The following HRH1 variants were observed in gnomAD, a reference collection of about 807,000 sequenced individuals.
The protein encoded by HRH1 is histamine receptor H1, also known as histamine H1 receptor.
In HRH1, 6 loss-of-function variants were observed where a neutral mutation model predicts 10.3. The observed-to-expected ratio is 0.58, with a 90% CI of 0.32 to 1.15. HRH1 has a LOEUF of 1.15. HRH1 is among the 50% of genes most tolerant of loss of function. HRH1 has a pLI of 0.05. For missense variants in HRH1, 514 were observed against 615.3 expected, an observed-to-expected ratio of 0.84 and a Z score of 1.74; for synonymous variants, 242 against 236.7, an observed-to-expected ratio of 1.02 and a Z score of -0.21.
At chr3:11,242,917 T>C (rs1939388223) in intron 1 of HRH1, among the ~76,000 whole-genome samples, 1 of 151,998 alleles carries the variant, frequency 6.6e-6, no homozygotes, top group African/African-American at 2.4e-5. Flanking sequence ...GGTCTCTCTT[T>C]TTTTTTTCCT....
chr3:11,179,756 C>CGTGT (rs151206562), intron 1 of HRH1, among the ~76,000 whole-genome samples: 3 of 147,518 alleles, frequency 2.0e-5, no homozygotes, highest in Non-Finnish European at 4.5e-5. Flanking sequence ...TGCTATTGTG[C>CGTGT]GTGTGTGTGT....
chr3:11,188,440 G>A (rs924171507), intron 1 of HRH1, among the ~76,000 whole-genome samples: 1 of 152,100 alleles, frequency 6.6e-6, no homozygotes, highest in Non-Finnish European at 1.5e-5. Flanking sequence ...CAGGCATGGT[G>A]GCACCTTAGA....
intron 1 of HRH1, among the ~76,000 whole-genome samples, chr3:11,186,471 G>A (rs928306149): frequency 6.6e-6 from 1 of 152,196 alleles, no homozygotes; most frequent in East Asian, 1.9e-4. Context: ...TTTTGCAGAA[G>A]TGAAAACTGA....
intron 1 of HRH1, among the ~76,000 whole-genome samples, chr3:11,138,300 G>C (rs111829740): frequency 6.1e-4 from 93 of 151,568 alleles, no homozygotes; most frequent in African/African-American, 2.1e-3. Flanking sequence ...AGGATTACAG[G>C]CGTGAGCCAC....
intron 1 of HRH1, among the ~76,000 whole-genome samples, chr3:11,214,029 C>T (rs1285815163): frequency 2.6e-5 from 4 of 151,750 alleles, no homozygotes; most frequent in Admixed American, 6.6e-5. Flanking sequence ...AGGGGGTCAG[C>T]GTGGGGTTTG....
intron 1 of HRH1, among the ~76,000 whole-genome samples, chr3:11,253,608 CA>C (rs2152587553): frequency 6.6e-6 from 1 of 152,232 alleles, no homozygotes; most frequent in South Asian, 2.1e-4. Flanking sequence ...GGGTGCGGGG[CA>C]CTAATTCTCA....
intron 1 of HRH1, among the ~76,000 whole-genome samples, chr3:11,194,405 C>T (rs1156487149): frequency 6.6e-6 from 1 of 152,186 alleles, no homozygotes; most frequent in African/African-American, 2.4e-5. Context: ...AGTGGTGTCA[C>T]CTCAGGCTCC....
intron 1 of HRH1, among the ~76,000 whole-genome samples, chr3:11,246,192 C>T (rs935901784): frequency 6.6e-6 from 1 of 152,182 alleles, no homozygotes; most frequent in Non-Finnish European, 1.5e-5. Context: ...GGACTCAGCT[C>T]CTGCCTCTAG....
chr3:11,209,860 A>G (rs1938265607), intron 1 of HRH1, among the ~76,000 whole-genome samples: 1 of 152,160 alleles, frequency 6.6e-6, no homozygotes, highest in Non-Finnish European at 1.5e-5. Flanking sequence ...GGTGAATTCT[A>G]ATTGCTTGCT....
intron 1 of HRH1, among the ~76,000 whole-genome samples, chr3:11,181,617 AT>A (rs1303588087): frequency 2.1e-5 from 3 of 141,266 alleles, no homozygotes; most frequent in Non-Finnish European, 3.0e-5. Flanking sequence ...ATCTATTCAG[AT>A]CCCTTGCTCT....
In HRH1 at chr3:11,260,069, C is replaced by A. The variant is rs776180904; in HGVS notation, c.1032C>A (p.Ser344Arg). 3 of 1,613,918 alleles carry A rather than the reference C, an allele frequency of 1.9e-6. No individual in the cohort carries two copies. Among genetic ancestry groups the A allele is most frequent in the Non-Finnish European group, 8.5e-7 (1 of 1,180,020 alleles). Residue 344 changes from serine (S) to arginine (R), a missense_variant, in exon 2 of 2, where the codon AGC becomes AGA. Transcript: ENST00000431010. ...DEQGLNTHGASEISEDQMLGD... is the reference protein window; with the variant it reads ...DEQGLNTHGAREISEDQMLGD... ...AGGGCCTGAACACACATGGGGCCAG[C>A]GAGATATCAGAGGATCAGATGTTAG...
intron 1 of HRH1, among the ~76,000 whole-genome samples, chr3:11,242,462 C>G (rs1213850963): frequency 8.9e-6 from 1 of 112,826 alleles, no homozygotes. Context: ...GCCTGGGCAA[C>G]AGAGCCAGAC....
At chr3:11,138,085 T>G (rs1936216876) in intron 1 of HRH1, among the ~76,000 whole-genome samples, 1 of 151,990 alleles carries the variant, frequency 6.6e-6, no homozygotes, top group Admixed American at 6.6e-5. Flanking sequence ...TCGTGATCTC[T>G]GCTCACTGCA....
chr3:11,138,221 A>C (rs1318331316), intron 1 of HRH1, among the ~76,000 whole-genome samples: 1 of 134,092 alleles, frequency 7.5e-6, no homozygotes, highest in African/African-American at 2.8e-5. Context: ...ACGGGGTTTC[A>C]CCGTGTTAGC....
At chr3:11,248,383 C>G (rs113923732) in intron 1 of HRH1, among the ~76,000 whole-genome samples, 5,066 of 152,222 alleles carry the variant, frequency 0.033, 99 homozygotes, top group Middle Eastern at 0.051. Context: ...TCATCTGGTA[C>G]CCCTCATGGT....
At position 11,261,082 on chromosome 3, in the gene HRH1, T is replaced by A. The variant is rs1487648024; in HGVS notation, c.*581T>A. On this transcript the variant is annotated 3_prime_UTR_variant, in exon 2 of 2. Coordinates refer to ENST00000431010, the MANE Select transcript of HRH1 (RefSeq NM_001098212.2). ...TCTCAGAAAACTTCTCTTCTGAGCC[T>A]CTTTAACAGCTTTCTCCAGAACCAG... 1 of 167,198 alleles carries A rather than the reference T, an allele frequency of 6.0e-6. No individual in the cohort carries two copies. Among genetic ancestry groups the A allele is most frequent in the African/African-American group, 2.4e-5 (1 of 41,458 alleles). The allele number at this position is 167,198 out of a possible 1,614,324, so 10.4% of individuals were successfully genotyped here.
intron 1 of HRH1, among the ~76,000 whole-genome samples, chr3:11,245,288 G>A (rs902677574): frequency 1.3e-5 from 2 of 152,006 alleles, no homozygotes; most frequent in Non-Finnish European, 2.9e-5. Context: ...GGGAGGCAGA[G>A]GTTGCAGGGA....
intron 1 of HRH1, among the ~76,000 whole-genome samples, chr3:11,202,348 T>C (rs1231495562): frequency 6.6e-6 from 1 of 151,466 alleles, no homozygotes; most frequent in Admixed American, 6.6e-5. Context: ...GAGGTTGCAG[T>C]GAGCCAAGAT....
intron 1 of HRH1, among the ~76,000 whole-genome samples, chr3:11,238,108 A>G (rs1414427000): frequency 6.6e-6 from 1 of 151,988 alleles, no homozygotes; most frequent in Non-Finnish European, 1.5e-5. Flanking sequence ...CCTTTCCTGC[A>G]CTTAGCTTTA....
Sources: allele counts gnomAD v4.1 joint callset (sites outside exome capture counted in the v4.1 genomes callset), GRCh38; gene constraint gnomAD v4.1.1; transcripts MANE v1.5; gene names NCBI Gene and HGNC (gene_info 2026-07-23, HGNC 2026-07-21).